ANKRD30A: variants seen among roughly 807,000 people sequenced by gnomAD.
ANKRD30A encodes the protein ankyrin repeat domain 30A.
Under a neutral mutation model 166.3 loss-of-function variants are expected in ANKRD30A, and 170 were observed. The ratio of observed to expected loss-of-function variants is 1.02; its 90% confidence interval spans 0.90 to 1.16. ANKRD30A has a LOEUF of 1.16. ANKRD30A is among the 50% of genes most tolerant of loss of function. The pLI is 0.00. For missense variants in ANKRD30A, 1,630 were observed against 1,518.0 expected, an observed-to-expected ratio of 1.07 and a Z score of -1.23; for synonymous variants, 564 against 508.9, an observed-to-expected ratio of 1.11 and a Z score of -1.46.
chr10:37,190,846 G>C (rs1242009205), intron 25 of ANKRD30A, among the ~76,000 whole-genome samples: 1 of 151,650 alleles, frequency 6.6e-6, no homozygotes, highest in Non-Finnish European at 1.5e-5. Flanking sequence ...ATGTATGTAT[G>C]TATGTATGTT....
chr10:37,207,992 A>T (rs1004111604), intron 31 of ANKRD30A, among the ~76,000 whole-genome samples: 1 of 152,156 alleles, frequency 6.6e-6, no homozygotes, highest in Non-Finnish European at 1.5e-5. Context: ...TTAATTAAAC[A>T]TATCTGGGTA....
chr10:37,242,680 A>G, the ANKRD30A span, among the ~76,000 whole-genome samples: 3 of 152,200 alleles, frequency 2.0e-5, no homozygotes, highest in African/African-American at 7.2e-5. Flanking sequence ...TTCGAGGTTC[A>G]TGGTATTACA....
intron 13 of ANKRD30A, among the ~76,000 whole-genome samples, chr10:37,155,383 T>G (rs1838291190): frequency 6.6e-6 from 1 of 152,320 alleles, no homozygotes; most frequent in East Asian, 1.9e-4. Context: ...TTATATTTAG[T>G]ATTATGCTTT....
At chr10:37,203,664 G>T (rs1391116236) in intron 31 of ANKRD30A, among the ~76,000 whole-genome samples, 1 of 152,056 alleles carries the variant, frequency 6.6e-6, no homozygotes, top group Non-Finnish European at 1.5e-5. Flanking sequence ...AGAAATGAAT[G>T]GTATTCAATA....
At chr10:37,201,153 A>G in intron 30 of ANKRD30A, 82 bp from the exon 31 acceptor site, 5 of 1,175,466 alleles carry the variant, frequency 4.3e-6, no homozygotes, top group East Asian at 3.1e-5. Context: ...TTTTTAAAAA[A>G]AGATTTTAAT....
chr10:37,152,548 T>C (rs1838033125), intron 12 of ANKRD30A, among the ~76,000 whole-genome samples: 1 of 152,236 alleles, frequency 6.6e-6, no homozygotes, highest in Non-Finnish European at 1.5e-5. Flanking sequence ...ACCTGAAAAG[T>C]TAATGCCTGG....
At chr10:37,263,209 A>G in the ANKRD30A span, among the ~76,000 whole-genome samples, 1 of 151,824 alleles carries the variant, frequency 6.6e-6, no homozygotes, top group Non-Finnish European at 1.5e-5. Flanking sequence ...AAAAAAAAAA[A>G]ATGAGTATGA....
At chr10:37,216,648 C>T (rs2132735006) in intron 32 of ANKRD30A, among the ~76,000 whole-genome samples, 1 of 151,332 alleles carries the variant, frequency 6.6e-6, no homozygotes, top group South Asian at 2.1e-4. Flanking sequence ...CCATTACTTA[C>T]TTAACAAATT....
chr10:37,229,793 T>G (rs1399800406), intron 34 of ANKRD30A, among the ~76,000 whole-genome samples: 2 of 151,962 alleles, frequency 1.3e-5, no homozygotes, highest in Non-Finnish European at 2.9e-5. Context: ...AATTTTAATT[T>G]TTGTGGGTAC....
chr10:37,250,544 C>T, the ANKRD30A span, among the ~76,000 whole-genome samples: 2 of 152,154 alleles, frequency 1.3e-5, no homozygotes, highest in South Asian at 4.2e-4. Flanking sequence ...TGTTTGTGCT[C>T]CCAGACCCCG....
At chr10:37,206,721 G>T (rs898646922) in intron 31 of ANKRD30A, among the ~76,000 whole-genome samples, 1 of 152,068 alleles carries the variant, frequency 6.6e-6, no homozygotes, top group African/African-American at 2.4e-5. Flanking sequence ...TTGAACCCAG[G>T]GGGCAGAGAC....
chr10:37,160,951 CAT>C (rs1451262373), intron 15 of ANKRD30A, among the ~76,000 whole-genome samples: 3 of 152,052 alleles, frequency 2.0e-5, no homozygotes, highest in Non-Finnish European at 4.4e-5. Flanking sequence ...GATAGTTACA[CAT>C]ATTTATTTTA....
intron 34 of ANKRD30A, among the ~76,000 whole-genome samples, chr10:37,225,096 C>T (rs747066817): frequency 9.9e-5 from 15 of 150,792 alleles, no homozygotes; most frequent in Non-Finnish European, 1.9e-4. Context: ...GGTTCAAAAA[C>T]CATGATTACT....
At position 37,162,635 on chromosome 10, in the gene ANKRD30A, C is replaced by A. The variant is rs201777333; in HGVS notation, c.1901-14C>A. 1.3e-4 allele frequency: 209 copies of A among 1,611,880 alleles called. 1 individual carries two copies. The highest frequency in any genetic ancestry group is 5.0e-4 in the Admixed American group (30 of 59,992). ...TTTACATATGATTGATGATAAATCT[C>A]TTTTGCTTTTTAGAGCCTCCGGGGA... is the stretch of plus-strand genomic sequence containing the variant. On this transcript the variant is annotated splice_polypyrimidine_tract_variant and intron_variant, in intron 15 of 35. Coordinates refer to ENST00000361713, the MANE Select transcript of ANKRD30A (RefSeq NM_052997.3).
the ANKRD30A span, among the ~76,000 whole-genome samples, chr10:37,253,940 G>A: frequency 6.6e-6 from 1 of 152,158 alleles, no homozygotes; most frequent in African/African-American, 2.4e-5. Context: ...GTGAGCCACT[G>A]CGCCCAGTCT....
intron 31 of ANKRD30A, among the ~76,000 whole-genome samples, chr10:37,215,545 G>A (rs142777470): frequency 6.6e-6 from 1 of 151,520 alleles, no homozygotes; most frequent in Non-Finnish European, 1.5e-5. Flanking sequence ...TTCCACCTCA[G>A]TTTTTTCTTC....
the ANKRD30A span, among the ~76,000 whole-genome samples, chr10:37,243,963 A>G: frequency 6.6e-6 from 1 of 152,164 alleles, no homozygotes; most frequent in Non-Finnish European, 1.5e-5. Flanking sequence ...AGAAACAAAC[A>G]GTCACAAATA....
chr10:37,137,422 G>A (rs749740983), intron 6 of ANKRD30A, among the ~76,000 whole-genome samples: 17 of 152,166 alleles, frequency 1.1e-4, no homozygotes, highest in Non-Finnish European at 1.9e-4. Context: ...GAAGCAGGGC[G>A]AGGCATTGCC....
intron 15 of ANKRD30A, 45 bp from the exon 16 acceptor site, chr10:37,162,604 G>C (rs549531740): frequency 2.5e-6 from 4 of 1,607,904 alleles, no homozygotes; most frequent in Middle Eastern, 2.2e-4. Flanking sequence ...TGGTTGGCTT[G>C]TCATATTTAC....
Sources: allele counts gnomAD v4.1 joint callset (sites outside exome capture counted in the v4.1 genomes callset), GRCh38; gene constraint gnomAD v4.1.1; transcripts MANE v1.5; gene names NCBI Gene and HGNC (gene_info 2026-07-23, HGNC 2026-07-21).